The following MYO16 variants were observed in gnomAD, a reference collection of about 807,000 sequenced individuals.
MYO16 encodes the protein unconventional myosin-XVI.
Under a neutral mutation model 205.3 loss-of-function variants are expected in MYO16, and 94 were observed. The ratio of observed to expected loss-of-function variants is 0.46; its 90% confidence interval spans 0.39 to 0.54. The LOEUF is 0.54. Among genes scored for constraint, MYO16 ranks in the 20% least tolerant of loss-of-function variants. The probability of loss-of-function intolerance (pLI) is 0.00; values close to 1 mark genes in which losing one functional copy is unlikely to be tolerated. For synonymous variants in MYO16, 988 were observed against 954.0 expected, an observed-to-expected ratio of 1.04 and a Z score of -0.66; for missense variants, 2,315 against 2,387.5, an observed-to-expected ratio of 0.97 and a Z score of 0.63.
At chr13:108,792,869 C>T (rs527755352) in intron 5 of MYO16, among the ~76,000 whole-genome samples, 1 of 151,858 alleles carries the variant, frequency 6.6e-6, no homozygotes, top group Non-Finnish European at 1.5e-5. Context: ...ACTATTTTGG[C>T]CAGAAAAATC....
At chr13:109,107,384 A>T (rs937322559) in intron 28 of MYO16, among the ~76,000 whole-genome samples, 1 of 152,212 alleles carries the variant, frequency 6.6e-6, no homozygotes, top group Non-Finnish European at 1.5e-5. Flanking sequence ...ATTTGCTCTT[A>T]TATTGCCAAG....
At chr13:108,924,532 C>T (rs896658464) in intron 16 of MYO16, among the ~76,000 whole-genome samples, 2 of 152,328 alleles carry the variant, frequency 1.3e-5, no homozygotes, top group African/African-American at 4.8e-5. Flanking sequence ...AAGTCAGGTA[C>T]TTGAATACAT....
At chr13:108,798,896 G>A (rs963340171) in intron 6 of MYO16, among the ~76,000 whole-genome samples, 9 of 141,464 alleles carry the variant, frequency 6.4e-5, no homozygotes, top group East Asian at 4.1e-4. Context: ...TAGTAGAGAC[G>A]GGGTTTCACC....
intron 14 of MYO16, among the ~76,000 whole-genome samples, chr13:108,889,631 A>G (rs575595833): frequency 2.0e-5 from 3 of 152,284 alleles, no homozygotes; most frequent in South Asian, 4.1e-4. Context: ...TAGAGATGGA[A>G]CCCTCTCCAT....
At chr13:108,866,714 A>G (rs1878733864) in intron 12 of MYO16, among the ~76,000 whole-genome samples, 2 of 152,346 alleles carry the variant, frequency 1.3e-5, no homozygotes, top group Non-Finnish European at 2.9e-5. Flanking sequence ...AATTACTTGT[A>G]GAAAATTATT....
chr13:108,902,098 G>A (rs753099132), intron 15 of MYO16, among the ~76,000 whole-genome samples: 6 of 152,154 alleles, frequency 3.9e-5, no homozygotes, highest in Non-Finnish European at 4.4e-5. Context: ...CCCTTACCAC[G>A]TGGAAAGGGT....
intron 5 of MYO16, 108 bp downstream of exon 5, chr13:108,785,851 G>A (rs562909436): frequency 1.7e-5 from 12 of 687,820 alleles, no homozygotes; most frequent in South Asian, 1.2e-4. Flanking sequence ...TGTAGTTTCC[G>A]CACGTGGTGT....
At chr13:108,764,326 G>A (rs1210115137) in intron 4 of MYO16, among the ~76,000 whole-genome samples, 1 of 152,198 alleles carries the variant, frequency 6.6e-6, no homozygotes, top group African/African-American at 2.4e-5. Context: ...CACATTGAGA[G>A]ACAGAAAATA....
At chr13:108,806,917 C>G in intron 7 of MYO16, 113 bp downstream of exon 7, 1 of 797,100 alleles carries the variant, frequency 1.3e-6, no homozygotes, top group Non-Finnish European at 1.7e-6. Context: ...TGTAATTTGA[C>G]TTTTAATAGT....
intron 16 of MYO16, among the ~76,000 whole-genome samples, chr13:108,915,889 G>A (rs778308543): frequency 4.6e-5 from 7 of 152,106 alleles, no homozygotes; most frequent in Non-Finnish European, 8.8e-5. Flanking sequence ...GAGTCACCGC[G>A]CGCTTGAACT....
intron 23 of MYO16, among the ~76,000 whole-genome samples, chr13:109,035,777 T>C (rs1886696788): frequency 6.6e-6 from 1 of 152,196 alleles, no homozygotes; most frequent in East Asian, 1.9e-4. Context: ...CAGCACCACA[T>C]AGAAGGACTG....
chr13:109,035,507 A>T (rs1886688968), intron 23 of MYO16, among the ~76,000 whole-genome samples: 2 of 152,098 alleles, frequency 1.3e-5, no homozygotes, highest in African/African-American at 4.8e-5. Context: ...AACATGGCAA[A>T]ACCCTGTTTC....
intron 21 of MYO16, among the ~76,000 whole-genome samples, chr13:108,997,609 C>A (rs1054785320): frequency 6.6e-6 from 1 of 151,996 alleles, no homozygotes; most frequent in East Asian, 1.9e-4. Flanking sequence ...GAGGTCAAGG[C>A]GGTCGGATCA....
chr13:108,753,571 T>C (rs1042932908), intron 4 of MYO16, among the ~76,000 whole-genome samples: 6 of 152,150 alleles, frequency 3.9e-5, no homozygotes, highest in African/African-American at 1.2e-4. Context: ...CATCAAATCA[T>C]ATGCACTCAA....
the MYO16 span, among the ~76,000 whole-genome samples, chr13:108,519,224 G>A: frequency 0.24 from 36,210 of 152,040 alleles, 5,099 homozygotes; most frequent in East Asian, 0.4. Flanking sequence ...ATCTTGCATC[G>A]CAGATGGCTC....
chr13:108,837,647 A>C (rs1051624159), intron 9 of MYO16, among the ~76,000 whole-genome samples: 2 of 152,232 alleles, frequency 1.3e-5, no homozygotes, highest in African/African-American at 2.4e-5. Flanking sequence ...GGTGGTAGCC[A>C]ACTTGAACCA....
chr13:109,193,103 C>CT (rs1491425018), intron 34 of MYO16, among the ~76,000 whole-genome samples: 9 of 149,792 alleles, frequency 6.0e-5, no homozygotes, highest in African/African-American at 2.2e-4. Context: ...TTCATACATA[C>CT]TCTCTCTCTC....
chr13:108,810,842 C>A (rs1216067926), intron 7 of MYO16, among the ~76,000 whole-genome samples: 2 of 152,138 alleles, frequency 1.3e-5, no homozygotes, highest in African/African-American at 4.8e-5. Flanking sequence ...AGCTCACAAT[C>A]TATAACTGTA....
At chr13:108,795,389 T>C (rs544776356) in intron 6 of MYO16, among the ~76,000 whole-genome samples, 2 of 152,214 alleles carry the variant, frequency 1.3e-5, no homozygotes, top group African/African-American at 4.8e-5. Context: ...TTTGTATTTT[T>C]ATTAGAGACG....
Sources: allele counts gnomAD v4.1 joint callset (sites outside exome capture counted in the v4.1 genomes callset), GRCh38; gene constraint gnomAD v4.1.1; transcripts MANE v1.5; gene names NCBI Gene and HGNC (gene_info 2026-07-23, HGNC 2026-07-21).